SEC14L2: variants seen among roughly 807,000 people sequenced by gnomAD.
SEC14L2 encodes the protein SEC14 like lipid binding 2.
Under a neutral mutation model 56.9 loss-of-function variants are expected in SEC14L2, and 50 were observed. That is an observed-to-expected ratio of 0.88 (90% CI 0.70 to 1.11). The LOEUF (loss-of-function observed/expected upper bound fraction) is 1.11, where lower values mean the gene tolerates loss of function less well. Ranked by LOEUF, SEC14L2 falls within the 50% of genes most tolerant of loss-of-function variation. The pLI is 0.00. For synonymous variants in SEC14L2, 179 were observed against 188.5 expected, an observed-to-expected ratio of 0.95 and a Z score of 0.41; for missense variants, 414 against 500.7, an observed-to-expected ratio of 0.83 and a Z score of 1.65.
chr22:30,409,956 G>T (rs1234793437), intron 7 of SEC14L2, among the ~76,000 whole-genome samples: 2 of 151,966 alleles, frequency 1.3e-5, no homozygotes, highest in African/African-American at 4.8e-5. Flanking sequence ...CCAGCACTTT[G>T]GGAGGCTGAG....
intron 2 of SEC14L2, among the ~76,000 whole-genome samples, chr22:30,405,394 T>C (rs555261915): frequency 6.6e-6 from 1 of 152,330 alleles, no homozygotes; most frequent in South Asian, 2.1e-4. Flanking sequence ...AAATTGCAGC[T>C]ATGATTACCT....
rs2146050139 is a variant in SEC14L2 at position 30,423,880 on chromosome 22, CCT to C, written c.*1477_*1478del. The C allele has an allele frequency of 6.6e-6, 1 of 152,414 alleles. No homozygotes were observed. Among genetic ancestry groups the C allele is most frequent in the East Asian group, 1.9e-4 (1 of 5,196 alleles). 9.4% of individuals were successfully genotyped at this position (152,414 alleles called of 1,614,324 possible). A position where few individuals can be genotyped will look rare whatever the true frequency, so the allele number is the denominator to read the frequency against. The stretch of plus-strand genomic sequence containing the variant: ...ATGCCCACCGCTAGGCTCCTCGCTG[CCT>C]CTCACTCAAGAGGCCCAAACTCAGA... On this transcript the variant is annotated 3_prime_UTR_variant, in exon 12 of 12. Coordinates refer to ENST00000615189, the MANE Select transcript of SEC14L2 (RefSeq NM_012429.5).
At chr22:30,408,599 T>C (rs1472661391) in intron 5 of SEC14L2, among the ~76,000 whole-genome samples, 2 of 152,082 alleles carry the variant, frequency 1.3e-5, no homozygotes, top group African/African-American at 4.8e-5. Context: ...AAAATAAGGA[T>C]AGCTGATTCC....
chr22:30,397,153 A>C lies in SEC14L2; in HGVS notation c.37A>C (p.Lys13Gln), dbSNP rs958239191. The change falls in exon 1 of 12, where the codon AAG becomes CAG. Residue 13 changes from lysine to glutamine, a missense_variant. Lys to Gln is a moderately conservative substitution (Grantham distance 53). Transcript: ENST00000615189. ...AGTCGGCGATCTGAGCCCCAGGCAG[A>C]AGGAGGCATTGGCCAAGGTGAGCTG... is the stretch of plus-strand genomic sequence containing the variant. ...GRVGDLSPRQ[K>Q]EALAKFRENV... The C allele has an allele frequency of 6.5e-7, 1 of 1,545,182 alleles. No individual in the cohort carries two copies. The highest frequency in any genetic ancestry group is 8.7e-7 in the Non-Finnish European group (1 of 1,144,650).
At chr22:30,402,152 G>T (rs1933956437) in intron 2 of SEC14L2, among the ~76,000 whole-genome samples, 2 of 152,160 alleles carry the variant, frequency 1.3e-5, no homozygotes, top group Admixed American at 1.3e-4. Context: ...TAGTGTGGGG[G>T]CGGCAGTGGA....
Position 30,422,551 on chromosome 22 carries a change from G to A in SEC14L2, c.*144G>A, listed in dbSNP as rs1227955797. Reference sequence around the variant, plus strand: ...CAGGAGCTTTCATTTCAGTTAGGCAGAGGAAGAGCGACTGCAGTGGGTCTC... The same window carrying A: ...CAGGAGCTTTCATTTCAGTTAGGCAAAGGAAGAGCGACTGCAGTGGGTCTC... On this transcript the variant is annotated 3_prime_UTR_variant, in exon 12 of 12. Transcript: ENST00000615189. 4.0e-6 allele frequency: 4 copies of A among 1,003,930 alleles called. No individual in the cohort carries two copies. The allele number at this position is 1,003,930 out of a possible 1,614,324, so 62.2% of individuals were successfully genotyped here. A position where few individuals can be genotyped will look rare whatever the true frequency, so the allele number is the denominator to read the frequency against.
At chr22:30,421,171 ACAC>A (rs1934507517) in intron 11 of SEC14L2, 1 of 148,164 alleles carries the variant, frequency 6.7e-6, no homozygotes, top group African/African-American at 2.6e-5. Flanking sequence ...ACAAACACAC[ACAC>A]ACACACACAC....
Position 30,399,677 on chromosome 22 carries a change from T to C in SEC14L2, c.89T>C (p.Leu30Pro), listed in dbSNP as rs1181928961. 6.2e-7 allele frequency: 1 copy of C among 1,613,968 alleles called. No homozygotes were observed. Among genetic ancestry groups the C allele is most frequent in the Non-Finnish European group, 8.5e-7 (1 of 1,179,960 alleles). The change falls in exon 2 of 12, where the codon CTG (leucine) becomes CCG (proline). Residue 30 changes from leucine to proline, a missense_variant. Coordinates refer to ENST00000615189, the MANE Select transcript of SEC14L2 (RefSeq NM_012429.5). ...AATGTCCAGGATGTGCTGCCGGCCC[T>C]GCCGAATCCAGATGACTATTTTCTC... ...RENVQDVLPA[L>P]PNPDDYFLLR...
chr22:30,407,365 C>T (rs769714526), intron 4 of SEC14L2, 50 bp from the exon 5 acceptor site: 1 of 1,590,572 alleles, frequency 6.3e-7, no homozygotes, highest in Non-Finnish European at 8.6e-7. Context: ...GTGGTCCAGG[C>T]AAGGTATGGA....
chr22:30,408,748 G>A (rs896935781), intron 5 of SEC14L2, among the ~76,000 whole-genome samples: 5 of 152,242 alleles, frequency 3.3e-5, no homozygotes, highest in African/African-American at 1.2e-4. Context: ...TGTTCACAGA[G>A]AGCCTACTGT....
In SEC14L2 at chr22:30,424,837, G is replaced by T. The variant is rs956057024; in HGVS notation, c.*2430G>T. The stretch of plus-strand genomic sequence containing the variant: ...GTGAACTGAGGTCCAGCGGGGGAAG[G>T]CTTCCTCCTGTTGTAATCACTAACC... On this transcript the variant is annotated 3_prime_UTR_variant, in exon 12 of 12. Coordinates refer to ENST00000615189, the MANE Select transcript of SEC14L2 (RefSeq NM_012429.5). The T allele has an allele frequency of 2.2e-6, 1 of 456,602 alleles. No homozygotes were observed. The highest frequency in any genetic ancestry group is 1.5e-5 in the South Asian group (1 of 64,548). 28.3% of individuals were successfully genotyped at this position (456,602 alleles called of 1,614,324 possible).
At chr22:30,411,121 G>A (rs1281466628) in intron 8 of SEC14L2, among the ~76,000 whole-genome samples, 1 of 151,992 alleles carries the variant, frequency 6.6e-6, no homozygotes, top group African/African-American at 2.4e-5. Flanking sequence ...AAATAGCTGG[G>A]CATAATGGCG....
chr22:30,402,122 G>T (rs972585849), intron 2 of SEC14L2, among the ~76,000 whole-genome samples: 1 of 152,030 alleles, frequency 6.6e-6, no homozygotes, highest in African/African-American at 2.4e-5. Context: ...CCAGTCCACC[G>T]CCCAGAGATG....
intron 2 of SEC14L2, among the ~76,000 whole-genome samples, chr22:30,401,468 G>C (rs1336169006): frequency 6.6e-6 from 1 of 151,320 alleles, no homozygotes; most frequent in African/African-American, 2.4e-5. Context: ...TTACAGGCGT[G>C]AGCCACCACA....
In SEC14L2 at chr22:30,424,715, A is replaced by G; in HGVS notation, c.*2308A>G. ...GAGGCTAACAGCCAGTAGGCGGCACAGCTAGGATTTGAACCCAGGATTGTC... is the reference window on the plus strand; with the variant it reads ...GAGGCTAACAGCCAGTAGGCGGCACGGCTAGGATTTGAACCCAGGATTGTC... On this transcript the variant is annotated 3_prime_UTR_variant, in exon 12 of 12. Transcript: ENST00000615189. 2.2e-6 allele frequency: 1 copy of G among 456,688 alleles called. No individual in the cohort carries two copies. The highest frequency in any genetic ancestry group is 4.4e-6 in the Non-Finnish European group (1 of 226,974). 28.3% of individuals were successfully genotyped at this position (456,688 alleles called of 1,614,324 possible).
At chr22:30,415,240 T>C (rs1457717194) in intron 8 of SEC14L2, among the ~76,000 whole-genome samples, 1 of 152,164 alleles carries the variant, frequency 6.6e-6, no homozygotes, top group Non-Finnish European at 1.5e-5. Flanking sequence ...GAGACCAGCC[T>C]GGCCAACATG....
intron 5 of SEC14L2, chr22:30,408,913 C>T: frequency 4.0e-6 from 2 of 499,270 alleles, no homozygotes; most frequent in Non-Finnish European, 7.4e-6. Flanking sequence ...GGGAGGCCAT[C>T]AGGCCAAACT....
chr22:30,412,072 G>A (rs561540521), intron 8 of SEC14L2, among the ~76,000 whole-genome samples: 2 of 152,320 alleles, frequency 1.3e-5, no homozygotes, highest in African/African-American at 4.8e-5. Context: ...CAAGGTATGA[G>A]GCTGGAGAGG....
chr22:30,424,884 G>T lies in SEC14L2; in HGVS notation c.*2477G>T. On this transcript the variant is annotated 3_prime_UTR_variant, in exon 12 of 12. Coordinates refer to ENST00000615189, the MANE Select transcript of SEC14L2 (RefSeq NM_012429.5). ...AACCCCAACTCTGTCTCCCTTGCCC[G>T]ATTCATTCATTCGTTAATTAATTCA... 1 of 449,450 alleles carries T rather than the reference G, an allele frequency of 2.2e-6. No individual in the cohort carries two copies. Among genetic ancestry groups the T allele is most frequent in the Non-Finnish European group, 4.5e-6 (1 of 222,310 alleles). The allele number at this position is 449,450 out of a possible 1,614,324, so 27.8% of individuals were successfully genotyped here.
Sources: gnomAD v4.1 joint callset for allele counts (sites outside exome capture counted in the v4.1 genomes callset) on GRCh38, gnomAD v4.1.1 for gene constraint, MANE v1.5 for transcripts, NCBI Gene and HGNC (gene_info 2026-07-23, HGNC 2026-07-21) for gene names.